Variants in SLC35F1 observed in about 807,000 individuals in gnomAD.
The protein encoded by SLC35F1 is chromosome 6 open reading frame 169.
SLC35F1 carries 14 observed loss-of-function variants against 48.7 expected under a neutral mutation model. The ratio of observed to expected loss-of-function variants is 0.29; its 90% confidence interval spans 0.19 to 0.45. The LOEUF is 0.45. Ranked by LOEUF, SLC35F1 falls within the 20% of genes least tolerant of loss-of-function variation. SLC35F1 has a pLI of 1.00. For missense variants in SLC35F1, 404 were observed against 500.0 expected (o/e 0.81, Z 1.83); for synonymous variants, 190 against 202.2 (o/e 0.94, Z 0.51).
intron 4 of SLC35F1, among the ~76,000 whole-genome samples, chr6:118,273,282 G>A (rs1435375867): frequency 1.3e-5 from 2 of 152,158 alleles, no homozygotes; most frequent in African/African-American, 2.4e-5. Context: ...CTGAAACAGT[G>A]TGTCCTCTTT....
intron 1 of SLC35F1, among the ~76,000 whole-genome samples, chr6:118,071,029 C>CACATAGTATATATATTCTATGT (rs1562280894): frequency 1.2e-4 from 1 of 8,102 alleles, no homozygotes; most frequent in Non-Finnish European, 2.1e-4. Context: ...ATATATTCTA[C>CACATAGTATATATATTCTATGT]GTGTATATAT....
intron 1 of SLC35F1, among the ~76,000 whole-genome samples, chr6:117,924,575 T>C (rs1238532834): frequency 6.6e-6 from 1 of 151,702 alleles, no homozygotes; most frequent in Non-Finnish European, 1.5e-5. Context: ...TATTTAAAGT[T>C]TCTGTTAACC....
At chr6:117,969,349 AG>A (rs1286500566) in intron 1 of SLC35F1, among the ~76,000 whole-genome samples, 1 of 152,258 alleles carries the variant, frequency 6.6e-6, no homozygotes, top group Non-Finnish European at 1.5e-5. Flanking sequence ...TTCAATTTCC[AG>A]TCAGGACTCA....
intron 1 of SLC35F1, among the ~76,000 whole-genome samples, chr6:118,088,199 A>G (rs953482294): frequency 3.3e-5 from 5 of 152,212 alleles, no homozygotes; most frequent in African/African-American, 1.2e-4. Context: ...ACAAAGAACT[A>G]TTTATTCCTA....
chr6:118,011,764 T>G (rs571673838), intron 1 of SLC35F1, among the ~76,000 whole-genome samples: 1 of 152,286 alleles, frequency 6.6e-6, no homozygotes, highest in East Asian at 1.9e-4. Flanking sequence ...AGTTCATGGC[T>G]TGGGGATTGA....
At chr6:118,025,815 C>T (rs945042996) in intron 1 of SLC35F1, among the ~76,000 whole-genome samples, 1 of 152,092 alleles carries the variant, frequency 6.6e-6, no homozygotes, top group African/African-American at 2.4e-5. Flanking sequence ...ACATATGAAT[C>T]ACTTCTAAGA....
intron 7 of SLC35F1, among the ~76,000 whole-genome samples, chr6:118,308,345 A>G (rs944837932): frequency 1.3e-5 from 2 of 152,240 alleles, no homozygotes; most frequent in Non-Finnish European, 2.9e-5. Context: ...GCAAAGAATA[A>G]GCAGTACAGT....
chr6:118,004,434 A>G (rs1008325732), intron 1 of SLC35F1, among the ~76,000 whole-genome samples: 11 of 152,344 alleles, frequency 7.2e-5, no homozygotes, highest in African/African-American at 2.2e-4. Context: ...CTTAAATCCT[A>G]TGTAAACAAT....
At chr6:117,972,599 G>C (rs929412149) in intron 1 of SLC35F1, among the ~76,000 whole-genome samples, 3 of 152,208 alleles carry the variant, frequency 2.0e-5, no homozygotes, top group African/African-American at 7.2e-5. Flanking sequence ...CGAAGGAGGA[G>C]CAAAGACACA....
chr6:118,064,775 G>A (rs926053107), intron 1 of SLC35F1, among the ~76,000 whole-genome samples: 4 of 152,144 alleles, frequency 2.6e-5, no homozygotes, highest in African/African-American at 9.7e-5. Flanking sequence ...TGCCATATGT[G>A]TAATGGTTAT....
intron 1 of SLC35F1, among the ~76,000 whole-genome samples, chr6:118,028,520 G>A (rs1771990372): frequency 6.6e-6 from 1 of 152,094 alleles, no homozygotes; most frequent in Admixed American, 6.6e-5. Flanking sequence ...TGAATGACTG[G>A]TTTAGAGCGA....
chr6:117,999,879 C>A (rs1248517587), intron 1 of SLC35F1, among the ~76,000 whole-genome samples: 1 of 151,266 alleles, frequency 6.6e-6, no homozygotes. Flanking sequence ...GACACATATA[C>A]CCTCCCAAGA....
chr6:118,156,330 C>T (rs1425377503), intron 2 of SLC35F1, among the ~76,000 whole-genome samples: 1 of 151,658 alleles, frequency 6.6e-6, no homozygotes, highest in Non-Finnish European at 1.5e-5. Context: ...TCAGGAGGGC[C>T]TGAGAACATG....
At chr6:118,134,962 G>A (rs528610260) in intron 1 of SLC35F1, among the ~76,000 whole-genome samples, 1 of 152,310 alleles carries the variant, frequency 6.6e-6, no homozygotes, top group South Asian at 2.1e-4. Flanking sequence ...GAGGGACGCA[G>A]TTGGAAAGCT....
intron 1 of SLC35F1, among the ~76,000 whole-genome samples, chr6:117,908,584 G>A (rs1224753549): frequency 1.3e-5 from 2 of 152,242 alleles, no homozygotes; most frequent in Non-Finnish European, 2.9e-5. Context: ...ATGCCGGAGG[G>A]GGCGGGTGCC....
At chr6:118,050,806 A>AGTAAGGAT (rs1772377807) in intron 1 of SLC35F1, among the ~76,000 whole-genome samples, 3 of 152,160 alleles carry the variant, frequency 2.0e-5, no homozygotes, top group Admixed American at 2.0e-4. Flanking sequence ...TAGACATCAA[A>AGTAAGGAT]GTAAGGATAT....
chr6:117,947,476 C>T (rs1217408090), intron 1 of SLC35F1, among the ~76,000 whole-genome samples: 1 of 152,284 alleles, frequency 6.6e-6, no homozygotes, highest in South Asian at 2.1e-4. Flanking sequence ...TGATTTATAA[C>T]AGCTCTCTGG....
chr6:118,216,738 A>G (rs1049881317), intron 2 of SLC35F1, among the ~76,000 whole-genome samples: 1 of 152,206 alleles, frequency 6.6e-6, no homozygotes, highest in Non-Finnish European at 1.5e-5. Flanking sequence ...GCACTTTACT[A>G]TGGTCATGAT....
rs747503562 is a variant in SLC35F1 at position 118,315,939 on chromosome 6, A to G, written c.*1687A>G. ...TACTCTTTTAGTTTGACTGACTTCA[A>G]TACCATTCAAAAAGATCCTCAATGG... On this transcript the variant is annotated 3_prime_UTR_variant, in exon 8 of 8. Coordinates refer to ENST00000360388, the MANE Select transcript of SLC35F1 (RefSeq NM_001029858.4). 1.3e-5 allele frequency: 2 copies of G among 152,240 alleles called. No individual in the cohort carries two copies. The highest frequency in any genetic ancestry group is 2.9e-5 in the Non-Finnish European group (2 of 68,036). 9.4% of individuals were successfully genotyped at this position (152,240 alleles called of 1,614,324 possible).
Sources: allele counts gnomAD v4.1 joint callset (sites outside exome capture counted in the v4.1 genomes callset), GRCh38; gene constraint gnomAD v4.1.1; transcripts MANE v1.5; gene names NCBI Gene and HGNC (gene_info 2026-07-23, HGNC 2026-07-21).